ATAD2: variants seen among roughly 807,000 people sequenced by gnomAD.
ATAD2 encodes the protein ATPase family AAA domain containing 2, also known as ATPase family AAA domain-containing protein 2.
Under a neutral mutation model 168.9 loss-of-function variants are expected in ATAD2, and 62 were observed. That is an observed-to-expected ratio of 0.37 (90% CI 0.30 to 0.45). ATAD2 has a LOEUF of 0.45. Among genes scored for constraint, ATAD2 ranks in the 20% least tolerant of loss-of-function variants. The probability of loss-of-function intolerance (pLI) is 1.00; values close to 1 mark genes in which losing one functional copy is unlikely to be tolerated. For synonymous variants in ATAD2, 613 were observed against 571.6 expected (o/e 1.07, Z -1.03); for missense variants, 1,419 against 1,667.8 (o/e 0.85, Z 2.60).
chr8:123,414,796 T>C (rs960451428), intron 1 of ATAD2, among the ~76,000 whole-genome samples: 1 of 152,156 alleles, frequency 6.6e-6, no homozygotes, highest in African/African-American at 2.4e-5. Context: ...GAAGGGACCA[T>C]GTTCTGAGTC....
chr8:123,345,772 C>G (rs755972480), intron 18 of ATAD2, among the ~76,000 whole-genome samples: 2 of 152,174 alleles, frequency 1.3e-5, no homozygotes, highest in African/African-American at 2.4e-5. Context: ...TACTAAGGAG[C>G]AGTCACCATT....
chr8:123,402,050 T>G lies in ATAD2; in HGVS notation c.-2281-875A>C. Reference sequence around the variant, plus strand: ...GCTCAAGTTTGAGAAGCGTACCATGTCGGCCCAGATTGAGGGTGGCGTCCA... The same window carrying G: ...GCTCAAGTTTGAGAAGCGTACCATGGCGGCCCAGATTGAGGGTGGCGTCCA... On this transcript the variant is annotated intron_variant, in intron 1 of 28. Transcript: ENST00000521903. The surrounding 1 kb of genome is among the most constrained non-coding windows in gnomAD (Gnocchi z 4.8). 1 of 1,507,358 alleles carries G rather than the reference T, an allele frequency of 6.6e-7. No individual in the cohort carries two copies. Among genetic ancestry groups the G allele is most frequent in the Non-Finnish European group, 9.2e-7 (1 of 1,088,130 alleles). 93.4% of individuals were successfully genotyped at this position (1,507,358 alleles called of 1,614,324 possible). A position where few individuals can be genotyped will look rare whatever the true frequency, so the allele number is the denominator to read the frequency against.
chr8:123,367,440 A>C (rs1829015480), intron 8 of ATAD2, among the ~76,000 whole-genome samples: 1 of 152,168 alleles, frequency 6.6e-6, no homozygotes, highest in Non-Finnish European at 1.5e-5. Context: ...CGGGAGAAGA[A>C]ATAAGATCCC....
In ATAD2 at chr8:123,346,815, G is replaced by C. The variant is rs569959812; in HGVS notation, c.2213-65C>G. ...TGCAAAGCAAATCTTTATTGCTTCA[G>C]TTACCAAGTCAGCATACTTCAATTA... On this transcript the variant is annotated intron_variant, in intron 16 of 27. Coordinates refer to ENST00000287394, the MANE Select transcript of ATAD2 (RefSeq NM_014109.4). 343 of 1,442,514 alleles carry C rather than the reference G, an allele frequency of 2.4e-4. 4 individuals carry two copies. In the South Asian group the frequency reaches 4.3e-3, roughly 18 times the overall value. The allele number at this position is 1,442,514 out of a possible 1,614,324, so 89.4% of individuals were successfully genotyped here.
At chr8:123,375,623 A>G (rs1013060517) in intron 2 of ATAD2, among the ~76,000 whole-genome samples, 11 of 152,230 alleles carry the variant, frequency 7.2e-5, no homozygotes, top group African/African-American at 2.4e-4. Flanking sequence ...CTCACCAACC[A>G]ATGAATGAAT....
chr8:123,340,253 G>T (rs1288263958), intron 19 of ATAD2, among the ~76,000 whole-genome samples: 2 of 151,992 alleles, frequency 1.3e-5, no homozygotes, highest in African/African-American at 2.4e-5. Context: ...TGAGATATAA[G>T]AAAGAGCAAC....
intron 1 of ATAD2, among the ~76,000 whole-genome samples, chr8:123,393,973 C>T (rs1324656306): frequency 6.6e-6 from 1 of 151,984 alleles, no homozygotes; most frequent in Non-Finnish European, 1.5e-5. Flanking sequence ...ACCAGCATGG[C>T]AACACTGGAG....
In ATAD2 at chr8:123,396,174, G is replaced by GGCCCGTACTCAC; in HGVS notation, c.171+1_171+12dup. On this transcript the variant is annotated intron_variant, in intron 1 of 27. Coordinates refer to ENST00000287394, the MANE Select transcript of ATAD2 (RefSeq NM_014109.4). ...GGAACCGCCCTGGGAGCCCGCCTCAGGCCCGTACTCACGCCCGCTTTGGCT... is the reference window on the plus strand; with the variant it reads ...GGAACCGCCCTGGGAGCCCGCCTCAGGCCCGTACTCACGCCCGTACTCACGCCCGCTTTGGCT... The GGCCCGTACTCAC allele has an allele frequency of 6.4e-7, 1 of 1,558,984 alleles. No homozygotes were observed. The highest frequency in any genetic ancestry group is 8.6e-7 in the Non-Finnish European group (1 of 1,159,016).
At chr8:123,365,533 A>G (rs1828949485) in intron 8 of ATAD2, among the ~76,000 whole-genome samples, 2 of 152,234 alleles carry the variant, frequency 1.3e-5, no homozygotes, top group South Asian at 2.1e-4. Context: ...AAACTACGCT[A>G]TAAGGCCATA....
upstream of ATAD2, chr8:123,400,700 T>C (rs1389284371): frequency 1.7e-5 from 13 of 745,490 alleles, no homozygotes; most frequent in East Asian, 5.0e-5. This position sits in a 1 kb window ranked among gnomAD's most constrained non-coding sequence, Gnocchi z 4.5. Flanking sequence ...CCAGGATTCA[T>C]AGACTTCATA....
intron 10 of ATAD2, 56 bp downstream of exon 10, chr8:123,359,521 A>C (rs1366575885): frequency 1.4e-6 from 2 of 1,480,308 alleles, no homozygotes; most frequent in African/African-American, 1.4e-5. Context: ...TTTAACTTTA[A>C]AACTAAAACA....
At chr8:123,396,007 A>T (rs562092918) in intron 1 of ATAD2, among the ~76,000 whole-genome samples, 180 bp downstream of exon 1, 9 of 152,300 alleles carry the variant, frequency 5.9e-5, no homozygotes, top group African/African-American at 9.6e-5. Context: ...GCCTCAGCTC[A>T]GCGATCCGAC....
At chr8:123,386,800 A>G (rs113875546) in intron 1 of ATAD2, among the ~76,000 whole-genome samples, 2 of 152,224 alleles carry the variant, frequency 1.3e-5, no homozygotes, top group African/African-American at 4.8e-5. Context: ...TTCCTAAGAA[A>G]CTTGGAAGAC....
chr8:123,370,080 T>G (rs1829106098), intron 6 of ATAD2, 56 bp from the exon 7 acceptor site: 1 of 1,506,824 alleles, frequency 6.6e-7, no homozygotes, highest in Non-Finnish European at 9.1e-7. Context: ...GTTAACAATT[T>G]TTAACATAGG....
intron 1 of ATAD2, among the ~76,000 whole-genome samples, chr8:123,395,493 G>A (rs1253756948): frequency 6.6e-6 from 1 of 151,724 alleles, no homozygotes; most frequent in Admixed American, 6.6e-5. Flanking sequence ...CGATTTAGGA[G>A]GCAGGCAATC....
chr8:123,396,474 C>T (rs982954925), upstream of ATAD2: 2 of 1,153,286 alleles, frequency 1.7e-6, no homozygotes, highest in African/African-American at 3.2e-5. Context: ...CGCCAGCGGC[C>T]GCAGCGCGCG....
chr8:123,356,454 A>T lies in ATAD2; in HGVS notation c.1581T>A (p.Ile527=). ...GACCATCAATTTCGTCAAAAAAAAT[A>T]ATTGATGGGCGCATCTGATAGGCCT... ...FDQAYQMRPS[I]IFFDEIDGLA... The change falls in exon 13 of 28, where the codon ATT becomes ATA. Residue 527 remains isoleucine, a synonymous_variant. Transcript: ENST00000287394. 1 of 1,612,786 alleles carries T rather than the reference A, an allele frequency of 6.2e-7. No individual in the cohort carries two copies. The highest frequency in any genetic ancestry group is 8.5e-7 in the Non-Finnish European group (1 of 1,179,234).
intron 2 of ATAD2, among the ~76,000 whole-genome samples, chr8:123,373,192 GCTAA>G (rs2129774742): frequency 6.6e-6 from 1 of 151,036 alleles, no homozygotes; most frequent in African/African-American, 2.4e-5. Flanking sequence ...ACGCCTGGCC[GCTAA>G]CTTTTAACAT....
Position 123,346,735 on chromosome 8 carries a change from A to T in ATAD2, c.2228T>A (p.Leu743Gln). The T allele has an allele frequency of 6.3e-7, 1 of 1,588,816 alleles. No homozygotes were observed. Among genetic ancestry groups the T allele is most frequent in the Non-Finnish European group, 8.5e-7 (1 of 1,173,024 alleles). Residue 743 changes from leucine (L) to glutamine (Q), a missense_variant, in exon 17 of 28, where the codon CTG becomes CAG. Physicochemically the swap from Leu to Gln is moderately radical, Grantham distance 113. This residue lies in a region of ATAD2 where 545 missense variants were observed against 724.9 expected (regional missense o/e 0.75). Transcript: ENST00000287394. ...KTLDSDISCP[L>Q]LESDLAYSDD... The stretch of plus-strand genomic sequence containing the variant: ...ACTGTAAGCCAAGTCACTTTCTAGC[A>T]GAGGACAAGAAATATCTATAAAACC...
Sources: allele counts gnomAD v4.1 joint callset (sites outside exome capture counted in the v4.1 genomes callset), GRCh38; gene constraint gnomAD v4.1.1; regional missense constraint gnomAD v4.1.1; non-coding constraint Gnocchi (gnomAD v3.1); transcripts MANE v1.5; gene names NCBI Gene and HGNC (gene_info 2026-07-23, HGNC 2026-07-21).